The following CCDC134 variants were observed in gnomAD, a reference collection of about 807,000 sequenced individuals.
CCDC134 encodes coiled-coil domain containing 134.
A neutral mutation model predicts 25.6 loss-of-function variants in CCDC134; 27 were observed. The ratio of observed to expected loss-of-function variants is 1.05; its 90% CI spans 0.78 to 1.45. CCDC134 has a LOEUF of 1.45. Ranked by LOEUF, CCDC134 falls within the 40% of genes most tolerant of loss-of-function variation. The pLI is 0.00. For missense variants in CCDC134, 261 were observed against 286.7 expected, an observed-to-expected ratio of 0.91 and a Z score of 0.65; for synonymous variants, 110 against 115.0, an observed-to-expected ratio of 0.96 and a Z score of 0.28.
At chr22:41,822,511 G>T (rs552223340) in intron 6 of CCDC134, among the ~76,000 whole-genome samples, 1 of 152,168 alleles carries the variant, frequency 6.6e-6, no homozygotes, top group Non-Finnish European at 1.5e-5. Context: ...GGCCAGGGAA[G>T]ATTCCTGGGG....
intron 6 of CCDC134, among the ~76,000 whole-genome samples, chr22:41,824,246 G>A (rs2076665479): frequency 6.6e-6 from 1 of 152,234 alleles, no homozygotes; most frequent in Non-Finnish European, 1.5e-5. Context: ...TAATGTGGCA[G>A]AGGGGTGGGT....
chr22:41,803,948 G>C lies in CCDC134; in HGVS notation c.-17+3182G>C, dbSNP rs151117243. On this transcript the variant is annotated intron_variant, in intron 1 of 6. Transcript: ENST00000255784. Reference sequence around the variant, plus strand: ...AGATGGAGACCATCCTGGCTAACATGGTGAAACCCCGTCTCTACAAAAAAT... The same window carrying C: ...AGATGGAGACCATCCTGGCTAACATCGTGAAACCCCGTCTCTACAAAAAAT... Among the ~76,000 whole-genome samples the C allele has an allele frequency of 7.9e-3, 1,194 of 151,904 alleles. 17 individuals carry two copies. The highest frequency in any genetic ancestry group is 0.028 in the African/African-American group (1,169 of 41,380).
chr22:41,818,034 A>G (rs1013526973), intron 6 of CCDC134, among the ~76,000 whole-genome samples: 3 of 152,196 alleles, frequency 2.0e-5, no homozygotes, highest in African/African-American at 4.8e-5. Flanking sequence ...TTGATGGTTC[A>G]ATAGGAGGAT....
chr22:41,801,983 A>T (rs2076545839), intron 1 of CCDC134, among the ~76,000 whole-genome samples: 1 of 152,206 alleles, frequency 6.6e-6, no homozygotes, highest in African/African-American at 2.4e-5. Flanking sequence ...GAGTGGTGCT[A>T]GTCTGAGGTT....
chr22:41,813,818 C>T lies in CCDC134; in HGVS notation c.560C>T (p.Thr187Ile), dbSNP rs201507268. The T allele has an allele frequency of 8.5e-5, 138 of 1,614,080 alleles. No individual in the cohort carries two copies. The highest frequency in any genetic ancestry group is 1.1e-4 in the Non-Finnish European group (127 of 1,179,918). Residue 187 changes from threonine (T) to isoleucine (I), a missense_variant, in exon 6 of 7, where the codon ACA becomes ATA. Physicochemically the swap from Thr to Ile is moderately conservative, Grantham distance 89. Coordinates refer to ENST00000255784, the MANE Select transcript of CCDC134 (RefSeq NM_024821.5). ...NFQNPFKIDR[T>I]EFIPSTDPFQ... ...CAGAACCCATTTAAAATCGACCGCA[C>T]AGAGGTGAGCTGCCAGGGCCTATGC...
chr22:41,831,125 A>G lies in CCDC134; in HGVS notation c.*5302A>G, dbSNP rs894805248. The stretch of plus-strand genomic sequence containing the variant: ...GGTCTCGAACTCCCGACCTCAGGCA[A>G]TCCGCCCACCTCAGCCTCCCAAAGT... On this transcript the variant is annotated 3_prime_UTR_variant, in exon 7 of 7. Transcript: ENST00000255784. 3 of 151,750 alleles carry G rather than the reference A, an allele frequency of 2.0e-5. No individual in the cohort carries two copies. Among genetic ancestry groups the G allele is most frequent in the African/African-American group, 7.3e-5 (3 of 41,228 alleles). The allele number at this position is 151,750 out of a possible 1,614,324, so 9.4% of individuals were successfully genotyped here. A position where few individuals can be genotyped will look rare whatever the true frequency, so the allele number is the denominator to read the frequency against.
chr22:41,813,894 G>T, intron 6 of CCDC134, 72 bp downstream of exon 6: 2 of 1,433,270 alleles, frequency 1.4e-6, no homozygotes, highest in South Asian at 1.2e-5. Context: ...GCCTGCAGGG[G>T]CTGGGGACCT....
At position 41,825,626 on chromosome 22, in the gene CCDC134, G is replaced by A. The variant is rs1439912511; in HGVS notation, c.565-72G>A. 7.6e-6 allele frequency: 12 copies of A among 1,588,210 alleles called. No individual in the cohort carries two copies. The highest frequency in any genetic ancestry group is 1.7e-4 in the Middle Eastern group (1 of 5,846). Reference sequence around the variant, plus strand: ...GGGAACCTTCCTATTCCCACACCCCGCTGGTGGCCTAGCTCAGAGCAGGCT... The same window carrying A: ...GGGAACCTTCCTATTCCCACACCCCACTGGTGGCCTAGCTCAGAGCAGGCT... On this transcript the variant is annotated intron_variant, in intron 6 of 6. Transcript: ENST00000255784. The surrounding 1 kb of genome is among the most constrained non-coding windows in gnomAD (Gnocchi z 4.4).
At chr22:41,810,437 G>T in intron 4 of CCDC134, 146 bp downstream of exon 4, 11 of 543,340 alleles carry the variant, frequency 2.0e-5, no homozygotes, top group South Asian at 8.4e-5. Flanking sequence ...GCAGATGGGC[G>T]TTTCGTGAGT....
chr22:41,810,489 CTTTT>C (rs960666358), intron 4 of CCDC134, among the ~76,000 whole-genome samples, 198 bp downstream of exon 4: 1 of 86,634 alleles, frequency 1.2e-5, no homozygotes. Context: ...AATAGCATTT[CTTTT>C]TTTTTTTTTT....
intron 6 of CCDC134, among the ~76,000 whole-genome samples, chr22:41,822,735 C>T (rs956549708): frequency 2.0e-5 from 3 of 152,162 alleles, no homozygotes; most frequent in Non-Finnish European, 4.4e-5. Context: ...TCCCAGCTCC[C>T]CGTCTTAAGT....
chr22:41,815,949 C>G (rs1029142376), intron 6 of CCDC134, among the ~76,000 whole-genome samples: 5 of 152,108 alleles, frequency 3.3e-5, no homozygotes, highest in African/African-American at 1.2e-4. Flanking sequence ...TGTGTCTGGC[C>G]CCTAACCTGC....
At chr22:41,806,605 A>G (rs965039515) in intron 1 of CCDC134, among the ~76,000 whole-genome samples, 3 of 152,144 alleles carry the variant, frequency 2.0e-5, no homozygotes, top group African/African-American at 7.2e-5. Context: ...GTCGCAAGCA[A>G]TACAGAAGGT....
chr22:41,809,809 T>C, intron 2 of CCDC134, 70 bp from the exon 3 acceptor site: 2 of 1,594,820 alleles, frequency 1.3e-6, no homozygotes, highest in Non-Finnish European at 1.7e-6. Flanking sequence ...GAATGAGCCT[T>C]CTGAGGCAAG....
rs2076670174 is a variant in CCDC134, at chr22:41,825,089, C to T, written c.565-609C>T. ...TACTGAGTCTAGGGTGCATTTGGGA[C>T]ATCCTAAAGGAGGTCTCAGACAGGC... On this transcript the variant is annotated intron_variant, in intron 6 of 6. Transcript: ENST00000255784. The surrounding 1 kb of genome is among the most constrained non-coding windows in gnomAD (Gnocchi z 4.4). 6.6e-6 allele frequency among the ~76,000 whole-genome samples: 1 copy of T among 152,052 alleles called. No individual in the cohort carries two copies. The highest frequency in any genetic ancestry group is 1.5e-5 in the Non-Finnish European group (1 of 67,998).
chr22:41,803,124 A>C (rs1426370838), intron 1 of CCDC134, among the ~76,000 whole-genome samples: 1 of 151,932 alleles, frequency 6.6e-6, no homozygotes, highest in African/African-American at 2.4e-5. Flanking sequence ...CAAAAAAAAA[A>C]AGTTATCTGG....
chr22:41,810,046 C>A (rs140810110), intron 3 of CCDC134, 46 bp downstream of exon 3: 3 of 1,610,940 alleles, frequency 1.9e-6, no homozygotes, highest in Admixed American at 1.7e-5. Context: ...AGTCTTTGAT[C>A]TAGGCACTGA....
At chr22:41,810,812 T>C (rs1208083953) in intron 4 of CCDC134, among the ~76,000 whole-genome samples, 1 of 152,078 alleles carries the variant, frequency 6.6e-6, no homozygotes, top group African/African-American at 2.4e-5. Flanking sequence ...ATTTCTTAGA[T>C]TACACTGAGA....
chr22:41,809,905 C>T lies in CCDC134; in HGVS notation c.130C>T (p.Arg44Trp), dbSNP rs369237416. The T allele has an allele frequency of 2.2e-5, 36 of 1,613,986 alleles. No homozygotes were observed. The highest frequency in any genetic ancestry group is 3.3e-4 in the Middle Eastern group (2 of 6,084). ...IYKKMFEVKRREQLLALKNLA... is the reference protein window; with the variant it reads ...IYKKMFEVKRWEQLLALKNLA... Reference sequence around the variant, plus strand: ...CAAGAAGATGTTTGAGGTGAAGCGGCGGGAGCAGCTGTTGGCACTGAAGAA... The same window carrying T: ...CAAGAAGATGTTTGAGGTGAAGCGGTGGGAGCAGCTGTTGGCACTGAAGAA... Residue 44 changes from arginine to tryptophan, a missense_variant, in exon 3 of 7, where the codon CGG (arginine) becomes TGG (tryptophan). Transcript: ENST00000255784.
Sources: allele counts gnomAD v4.1 joint callset (sites outside exome capture counted in the v4.1 genomes callset), GRCh38; gene constraint gnomAD v4.1.1; non-coding constraint Gnocchi (gnomAD v3.1); transcripts MANE v1.5; gene names NCBI Gene and HGNC (gene_info 2026-07-23, HGNC 2026-07-21).